The following CPED1 variants were observed in gnomAD, a reference collection of about 807,000 sequenced individuals.
CPED1 encodes cadherin like and PC-esterase domain containing 1.
A neutral mutation model predicts 128.2 loss-of-function variants in CPED1; 114 were observed. That is an observed-to-expected ratio of 0.89 (90% confidence interval 0.76 to 1.04). The LOEUF is 1.04. Ranked by LOEUF, CPED1 falls within the 50% of genes least tolerant of loss-of-function variation. The pLI is 0.00. For missense variants in CPED1, 1,211 were observed against 1,207.1 expected, an observed-to-expected ratio of 1.00 and a Z score of -0.05; for synonymous variants, 462 against 426.7, an observed-to-expected ratio of 1.08 and a Z score of -1.02.
At chr7:121,216,969 A>AT (rs1301978462) in intron 16 of CPED1, among the ~76,000 whole-genome samples, 4 of 151,842 alleles carry the variant, frequency 2.6e-5, no homozygotes, top group Admixed American at 1.3e-4. Flanking sequence ...TGAATATTGC[A>AT]TTTTTTTGGA....
intron 16 of CPED1, among the ~76,000 whole-genome samples, chr7:121,144,105 C>T (rs1480775885): frequency 6.6e-6 from 1 of 152,052 alleles, no homozygotes; most frequent in Non-Finnish European, 1.5e-5. Context: ...TAAACTAGTA[C>T]AGCCACTGTG....
At chr7:121,114,108 G>A (rs1795177838) in intron 7 of CPED1, among the ~76,000 whole-genome samples, 1 of 152,296 alleles carries the variant, frequency 6.6e-6, no homozygotes, top group African/African-American at 2.4e-5. Context: ...GGGATTACAG[G>A]CATGAGCCAC....
chr7:121,061,585 C>T (rs985311488), intron 4 of CPED1, among the ~76,000 whole-genome samples: 2 of 152,064 alleles, frequency 1.3e-5, no homozygotes, highest in East Asian at 1.9e-4. Context: ...ATCTCTGTGT[C>T]TTCTGCTTAA....
At chr7:121,136,176 A>T (rs1795779802) in intron 14 of CPED1, 86 bp downstream of exon 14, 1 of 1,282,328 alleles carries the variant, frequency 7.8e-7, no homozygotes, top group South Asian at 1.5e-5. Context: ...ATTTTATTAT[A>T]TGTGGGTATC....
At chr7:121,198,432 T>C (rs925466955) in intron 16 of CPED1, among the ~76,000 whole-genome samples, 1 of 152,138 alleles carries the variant, frequency 6.6e-6, no homozygotes, top group Non-Finnish European at 1.5e-5. Flanking sequence ...TCCATTTTCA[T>C]TGCAGTTTTC....
intron 2 of CPED1, among the ~76,000 whole-genome samples, chr7:120,995,580 T>C (rs529589298): frequency 3.3e-5 from 5 of 152,342 alleles, no homozygotes; most frequent in Middle Eastern, 3.4e-3. Flanking sequence ...TTTTCTAGAA[T>C]ATTATAAAAT....
intron 16 of CPED1, among the ~76,000 whole-genome samples, chr7:121,170,371 C>G (rs1190530284): frequency 1.3e-5 from 2 of 151,968 alleles, no homozygotes; most frequent in African/African-American, 4.8e-5. Flanking sequence ...CCCTTCTCAC[C>G]CTGGGCCTCA....
intron 5 of CPED1, among the ~76,000 whole-genome samples, chr7:121,075,891 A>C (rs578064051): frequency 6.6e-6 from 1 of 152,196 alleles, no homozygotes; most frequent in South Asian, 2.1e-4. Context: ...AAATTTCCAA[A>C]ATTTTTCCCA....
chr7:121,143,038 C>A (rs371070905), intron 16 of CPED1, among the ~76,000 whole-genome samples: 2 of 152,022 alleles, frequency 1.3e-5, no homozygotes, highest in South Asian at 2.1e-4. Context: ...CCGCCACTGT[C>A]TTATCTGTTT....
chr7:121,072,212 A>T (rs1342955823), intron 5 of CPED1, among the ~76,000 whole-genome samples: 3 of 151,800 alleles, frequency 2.0e-5, no homozygotes, highest in African/African-American at 7.3e-5. Flanking sequence ...ATGGGAGTAA[A>T]TTGCACAGTG....
At chr7:121,023,574 T>C (rs191717307) in intron 3 of CPED1, among the ~76,000 whole-genome samples, 36 of 152,270 alleles carry the variant, frequency 2.4e-4, no homozygotes, top group African/African-American at 8.4e-4. Context: ...ATCTCTATCA[T>C]TGCAGGGATT....
At chr7:121,254,414 TAA>T (rs1257197960) in intron 18 of CPED1, among the ~76,000 whole-genome samples, 1 of 152,008 alleles carries the variant, frequency 6.6e-6, no homozygotes, top group Non-Finnish European at 1.5e-5. Flanking sequence ...AAAGTTGTGT[TAA>T]GAGGACAGTT....
chr7:120,989,880 T>C lies in CPED1; in HGVS notation c.249+10T>C. 6.2e-7 allele frequency: 1 copy of C among 1,613,850 alleles called. No individual in the cohort carries two copies. Among genetic ancestry groups the C allele is most frequent in the Non-Finnish European group, 8.5e-7 (1 of 1,179,952 alleles). On this transcript the variant is annotated intron_variant, in intron 2 of 22. Transcript: ENST00000310396. ...CCAGGAAACCAGAAAGGTAAGACTCTCATAAGCTTAACGGAGACAGTTTCT... is the reference window on the plus strand; with the variant it reads ...CCAGGAAACCAGAAAGGTAAGACTCCCATAAGCTTAACGGAGACAGTTTCT...
intron 22 of CPED1, among the ~76,000 whole-genome samples, chr7:121,273,383 G>A (rs1001186897): frequency 2.6e-5 from 4 of 152,116 alleles, no homozygotes; most frequent in African/African-American, 9.6e-5. Context: ...TTAGCCAGGT[G>A]TGGTGGTGTG....
intron 2 of CPED1, among the ~76,000 whole-genome samples, chr7:121,004,162 T>C (rs530483004): frequency 6.6e-6 from 1 of 152,256 alleles, no homozygotes; most frequent in African/African-American, 2.4e-5. Flanking sequence ...TCCTTAACCA[T>C]CTGTTCAGCT....
At chr7:121,101,335 C>A (rs1395973506) in intron 7 of CPED1, among the ~76,000 whole-genome samples, 7 of 151,766 alleles carry the variant, frequency 4.6e-5, no homozygotes, top group Non-Finnish European at 8.8e-5. Context: ...GGATTTATTT[C>A]TTTTATTATT....
At chr7:121,008,601 T>TTTTGGATTAA (rs144273930) in intron 2 of CPED1, among the ~76,000 whole-genome samples, 112,482 of 150,852 alleles carry the variant, frequency 0.75, 42,552 homozygotes, top group East Asian at 0.9. Context: ...GGATTAATCA[T>TTTTGGATTAA]TTTGGATTAA....
At chr7:121,003,957 TATGTGGA>T (rs1476236823) in intron 2 of CPED1, among the ~76,000 whole-genome samples, 6 of 152,218 alleles carry the variant, frequency 3.9e-5, no homozygotes, top group Non-Finnish European at 7.4e-5. Context: ...CTACTTCTTT[TATGTGGA>T]ATGTGGTACC....
intron 3 of CPED1, among the ~76,000 whole-genome samples, chr7:121,022,488 T>C (rs956106584): frequency 1.3e-5 from 2 of 151,984 alleles, no homozygotes; most frequent in Non-Finnish European, 2.9e-5. Context: ...ACTTGACCTA[T>C]TGATTTTGGG....
Sources: gnomAD v4.1 joint callset for allele counts (sites outside exome capture counted in the v4.1 genomes callset) on GRCh38, gnomAD v4.1.1 for gene constraint, MANE v1.5 for transcripts, NCBI Gene and HGNC (gene_info 2026-07-23, HGNC 2026-07-21) for gene names.